The following CNTN5 variants were observed in gnomAD, a reference collection of about 807,000 sequenced individuals.
CNTN5 encodes contactin 5, also known as contactin-5.
A neutral mutation model predicts 129.1 loss-of-function variants in CNTN5; 77 were observed. The observed-to-expected ratio is 0.60, with a 90% CI of 0.50 to 0.72. The LOEUF (loss-of-function observed/expected upper bound fraction) is 0.72, where lower values mean the gene tolerates loss of function less well. Ranked by LOEUF, CNTN5 falls within the 30% of genes least tolerant of loss-of-function variation. The pLI, the probability that CNTN5 is intolerant of heterozygous loss-of-function variation, is 0.00. For synonymous variants in CNTN5, 509 were observed against 465.6 expected, an observed-to-expected ratio of 1.09 and a Z score of -1.20; for missense variants, 1,478 against 1,328.8, an observed-to-expected ratio of 1.11 and a Z score of -1.75.
chr11:99,761,287 T>C (rs762007183), intron 3 of CNTN5, among the ~76,000 whole-genome samples: 3 of 152,182 alleles, frequency 2.0e-5, no homozygotes, highest in Admixed American at 6.6e-5. Flanking sequence ...TTATTATACT[T>C]TAAGTTTTAG....
At chr11:99,724,225 CT>C (rs1051349738) in intron 3 of CNTN5, among the ~76,000 whole-genome samples, 11 of 152,188 alleles carry the variant, frequency 7.2e-5, no homozygotes, top group African/African-American at 2.4e-4. Context: ...TATACTCTCT[CT>C]TTGTTTTTTT....
intron 9 of CNTN5, among the ~76,000 whole-genome samples, chr11:100,051,485 G>A (rs1354799771): frequency 5.3e-5 from 8 of 151,852 alleles, no homozygotes; most frequent in African/African-American, 1.2e-4. Flanking sequence ...TATAGTTAAA[G>A]CAATACTTAA....
At chr11:100,258,565 G>A (rs996423896) in intron 17 of CNTN5, among the ~76,000 whole-genome samples, 3 of 152,196 alleles carry the variant, frequency 2.0e-5, no homozygotes, top group Admixed American at 2.0e-4. Flanking sequence ...ACAAAGGGAA[G>A]CCCATCAGAC....
At chr11:99,558,209 G>A (rs1948734965) in intron 3 of CNTN5, 1 of 291,742 alleles carries the variant, frequency 3.4e-6, no homozygotes, top group Non-Finnish European at 6.8e-6. Flanking sequence ...TTTTTTTTGT[G>A]CAGCATTACT....
chr11:100,266,596 C>T (rs1165958469), intron 17 of CNTN5, among the ~76,000 whole-genome samples: 1 of 148,304 alleles, frequency 6.7e-6, no homozygotes, highest in Non-Finnish European at 1.5e-5. Context: ...TTTTATATCT[C>T]TTACAAGCAA....
chr11:99,303,246 A>T (rs906654584), intron 1 of CNTN5, among the ~76,000 whole-genome samples: 1 of 151,926 alleles, frequency 6.6e-6, no homozygotes, highest in Non-Finnish European at 1.5e-5. Context: ...GGAAAATGTT[A>T]TTATACTATA....
At chr11:99,395,721 A>T (rs1267533906) in intron 2 of CNTN5, among the ~76,000 whole-genome samples, 3 of 151,794 alleles carry the variant, frequency 2.0e-5, no homozygotes, top group Non-Finnish European at 4.4e-5. Context: ...TTTTTTGTAT[A>T]TGATGTAAGG....
intron 21 of CNTN5, among the ~76,000 whole-genome samples, chr11:100,328,110 G>A (rs1951826683): frequency 6.6e-6 from 1 of 152,062 alleles, no homozygotes; most frequent in Non-Finnish European, 1.5e-5. Context: ...CAACACTTTG[G>A]GAGGCCAAGG....
rs116595472 is a variant in CNTN5 at position 99,055,084 on chromosome 11, C to T, written c.-210+33814C>T. On this transcript the variant is annotated intron_variant, in intron 1 of 24. Coordinates refer to ENST00000524871, the MANE Select transcript of CNTN5 (RefSeq NM_014361.4). Reference sequence around the variant, plus strand: ...GAATTCAAAATATCTGGGCTAGGTCCCTAGAATTTCCATTTACGTGATGCT... The same window carrying T: ...GAATTCAAAATATCTGGGCTAGGTCTCTAGAATTTCCATTTACGTGATGCT... 4.8e-3 allele frequency among the ~76,000 whole-genome samples: 736 copies of T among 151,966 alleles called. 5 individuals carry two copies. The highest frequency in any genetic ancestry group is 0.017 in the African/African-American group (704 of 41,488).
At chr11:99,554,679 A>G (rs1948608763) in intron 2 of CNTN5, among the ~76,000 whole-genome samples, 1 of 152,110 alleles carries the variant, frequency 6.6e-6, no homozygotes, top group South Asian at 2.1e-4. Context: ...AATTTCAAAA[A>G]AGGTCAATTT....
intron 16 of CNTN5, among the ~76,000 whole-genome samples, chr11:100,250,420 T>C (rs1779725737): frequency 6.6e-6 from 1 of 152,052 alleles, no homozygotes; most frequent in African/African-American, 2.4e-5. Context: ...CTTCTACAAA[T>C]ATTTATTGAG....
At chr11:99,046,548 T>G (rs1336275602) in intron 1 of CNTN5, among the ~76,000 whole-genome samples, 1 of 152,220 alleles carries the variant, frequency 6.6e-6, no homozygotes, top group African/African-American at 2.4e-5. Flanking sequence ...GTTTATAAAT[T>G]ATTTACCAGT....
At chr11:99,474,946 C>T (rs766584232) in intron 2 of CNTN5, among the ~76,000 whole-genome samples, 7 of 152,114 alleles carry the variant, frequency 4.6e-5, no homozygotes, top group Non-Finnish European at 7.4e-5. Flanking sequence ...CCAAAACTCA[C>T]GTTGAAATGT....
chr11:99,055,601 C>T (rs1864596593), intron 1 of CNTN5, among the ~76,000 whole-genome samples: 2 of 151,872 alleles, frequency 1.3e-5, no homozygotes, highest in Admixed American at 6.6e-5. Context: ...CCCATTTTCT[C>T]CTTTTCTCTT....
At position 99,719,648 on chromosome 11, in the gene CNTN5, C is replaced by G. The variant is rs541011541; in HGVS notation, c.56-99896C>G. The stretch of plus-strand genomic sequence containing the variant: ...ACTGAAAGAATTAGAGATGCAAGAA[C>G]AAATCAACCTCAAAGCTACCAGAAC... On this transcript the variant is annotated intron_variant, in intron 3 of 24. Coordinates refer to ENST00000524871, the MANE Select transcript of CNTN5 (RefSeq NM_014361.4). 4.6e-5 allele frequency among the ~76,000 whole-genome samples: 7 copies of G among 151,870 alleles called. No individual in the cohort carries two copies. In the South Asian group the frequency reaches 1.5e-3, roughly 32 times the overall value.
intron 1 of CNTN5, among the ~76,000 whole-genome samples, chr11:99,153,161 T>C (rs1007730639): frequency 5.9e-5 from 9 of 152,206 alleles, no homozygotes; most frequent in African/African-American, 2.2e-4. Flanking sequence ...AGGGATTCTC[T>C]GCATTTCCTG....
At chr11:99,399,339 C>A (rs1565549978) in intron 2 of CNTN5, among the ~76,000 whole-genome samples, 4 of 151,562 alleles carry the variant, frequency 2.6e-5, no homozygotes, top group Admixed American at 2.0e-4. Flanking sequence ...ATTATGAGAT[C>A]CTTGTTATTC....
At chr11:99,599,877 C>A (rs1373282446) in intron 3 of CNTN5, among the ~76,000 whole-genome samples, 2 of 151,912 alleles carry the variant, frequency 1.3e-5, no homozygotes, top group African/African-American at 4.8e-5. Context: ...AAAACTAGAT[C>A]ATTAATATTT....
chr11:100,077,208 T>TTTTTGAG, intron 13 of CNTN5, among the ~76,000 whole-genome samples: 1 of 152,186 alleles, frequency 6.6e-6, no homozygotes, highest in Non-Finnish European at 1.5e-5. Context: ...GTTAGAAAAC[T>TTTTTGAG]GTTAAGACTT....
Sources: allele counts gnomAD v4.1 joint callset (sites outside exome capture counted in the v4.1 genomes callset), GRCh38; gene constraint gnomAD v4.1.1; transcripts MANE v1.5; gene names NCBI Gene and HGNC (gene_info 2026-07-23, HGNC 2026-07-21).